Variants in TM9SF2 observed in about 807,000 individuals in gnomAD.
The protein encoded by TM9SF2 is transmembrane 9 superfamily member 2.
TM9SF2 carries 13 observed loss-of-function variants against 84.9 expected under a neutral mutation model. The observed-to-expected ratio is 0.15, with a 90% confidence interval of 0.10 to 0.24. The LOEUF is 0.24. TM9SF2 is among the 10% of genes least tolerant of loss of function. The pLI is 1.00. For synonymous variants in TM9SF2, 273 were observed against 285.8 expected, an observed-to-expected ratio of 0.96 and a Z score of 0.45; for missense variants, 562 against 818.5, an observed-to-expected ratio of 0.69 and a Z score of 3.82.
chr13:99,512,020 A>G (rs1364262155), intron 1 of TM9SF2, among the ~76,000 whole-genome samples: 2 of 152,230 alleles, frequency 1.3e-5, no homozygotes, highest in Non-Finnish European at 2.9e-5. Flanking sequence ...CAGGACAAGT[A>G]TAATGGATAG....
At chr13:99,537,042 A>G (rs1301695811) in intron 5 of TM9SF2, among the ~76,000 whole-genome samples, 1 of 152,200 alleles carries the variant, frequency 6.6e-6, no homozygotes, top group African/African-American at 2.4e-5. Flanking sequence ...TGTACATAGT[A>G]GAGTGTCAAA....
chr13:99,531,509 A>G (rs1031535235), intron 4 of TM9SF2, among the ~76,000 whole-genome samples: 6 of 151,870 alleles, frequency 4.0e-5, no homozygotes, highest in Admixed American at 2.6e-4. Context: ...CAACCCCCAT[A>G]TGCATAGAAC....
intron 1 of TM9SF2, among the ~76,000 whole-genome samples, chr13:99,505,152 CTTTT>C (rs35156746): frequency 7.4e-6 from 1 of 135,032 alleles, no homozygotes; most frequent in Non-Finnish European, 1.6e-5. Flanking sequence ...GTCCCTAAGA[CTTTT>C]TTTTTTTTTT....
chr13:99,552,620 T>C (rs985848451), intron 13 of TM9SF2, among the ~76,000 whole-genome samples: 5 of 131,168 alleles, frequency 3.8e-5, no homozygotes, highest in Non-Finnish European at 8.9e-5. Context: ...TTCATTCATT[T>C]AGAGATGGAG....
intron 9 of TM9SF2, among the ~76,000 whole-genome samples, chr13:99,542,684 C>G (rs2046266008): frequency 6.6e-6 from 1 of 152,010 alleles, no homozygotes; most frequent in Non-Finnish European, 1.5e-5. Context: ...ACTCTATAGT[C>G]TCTTTCCTAT....
intron 2 of TM9SF2, chr13:99,519,739 A>G (rs1368965995): frequency 2.0e-5 from 4 of 198,896 alleles, no homozygotes; most frequent in Non-Finnish European, 4.1e-5. Flanking sequence ...GATCTAAATA[A>G]TTTTATTATT....
In TM9SF2 at chr13:99,549,209, T is replaced by C; in HGVS notation, c.1315T>C (p.Phe439Leu). ...GAAAACAAATGTTTTATTAACATCA[T>C]TTCTTTGTCCTGGGTAAGTGAATTT... ...KWKTNVLLTS[F>L]LCPGIVFADF... Residue 439 changes from phenylalanine (F) to leucine (L), a missense_variant, in exon 12 of 17, where the codon TTT becomes CTT. By Grantham distance (22) the Phe-to-Leu change is conservative. Coordinates refer to ENST00000376387, the MANE Select transcript of TM9SF2 (RefSeq NM_004800.3). 1 of 1,613,450 alleles carries C rather than the reference T, an allele frequency of 6.2e-7. No individual in the cohort carries two copies. The highest frequency in any genetic ancestry group is 1.3e-5 in the African/African-American group (1 of 75,034).
chr13:99,517,017 A>G (rs2046137513), intron 1 of TM9SF2, among the ~76,000 whole-genome samples: 2 of 152,222 alleles, frequency 1.3e-5, no homozygotes, highest in Admixed American at 1.3e-4. Context: ...GCTTTTAGTT[A>G]AAATATCTTA....
intron 9 of TM9SF2, 119 bp downstream of exon 9, chr13:99,541,786 A>G: frequency 5.1e-6 from 3 of 592,184 alleles, no homozygotes; most frequent in South Asian, 5.3e-5. Flanking sequence ...AAACAAAAAC[A>G]AAAACAAAAA....
intron 7 of TM9SF2, among the ~76,000 whole-genome samples, chr13:99,540,000 T>G (rs1408021906): frequency 1.3e-5 from 2 of 152,240 alleles, no homozygotes; most frequent in African/African-American, 2.4e-5. Flanking sequence ...TGCAAATTCA[T>G]TGTTATGAGA....
rs1324412180 is a variant in TM9SF2 at position 99,563,342 on chromosome 13, A to G, written c.*584A>G. On this transcript the variant is annotated 3_prime_UTR_variant, in exon 17 of 17. Coordinates refer to ENST00000376387, the MANE Select transcript of TM9SF2 (RefSeq NM_004800.3). ...TGGCCTTTTAAACTATGTGCCTCTG[A>G]GTCTTTCAATTTATAAATTTGTTAT... 6.6e-6 allele frequency: 1 copy of G among 152,190 alleles called. No individual in the cohort carries two copies. Among genetic ancestry groups the G allele is most frequent in the Admixed American group, 6.5e-5 (1 of 15,274 alleles). 9.4% of individuals were successfully genotyped at this position (152,190 alleles called of 1,614,324 possible). A position where few individuals can be genotyped will look rare whatever the true frequency, so the allele number is the denominator to read the frequency against.
chr13:99,508,665 T>C (rs2046100343), intron 1 of TM9SF2, among the ~76,000 whole-genome samples: 1 of 152,140 alleles, frequency 6.6e-6, no homozygotes, highest in Admixed American at 6.5e-5. Context: ...AAATTTTTAC[T>C]CATGGCAGAA....
chr13:99,549,086 A>G (rs1252255399), intron 11 of TM9SF2, 79 bp from the exon 12 acceptor site: 1 of 1,269,308 alleles, frequency 7.9e-7, no homozygotes, highest in Admixed American at 1.9e-5. Context: ...CAGTTTGGCA[A>G]ATATCAGACT....
chr13:99,516,050 C>T (rs919238403), intron 1 of TM9SF2, among the ~76,000 whole-genome samples: 1 of 152,074 alleles, frequency 6.6e-6, no homozygotes, highest in Non-Finnish European at 1.5e-5. Flanking sequence ...CTGTTATCCT[C>T]ATTTTGCAGT....
intron 10 of TM9SF2, among the ~76,000 whole-genome samples, chr13:99,544,934 A>G (rs948569780): frequency 4.6e-5 from 7 of 152,280 alleles, no homozygotes; most frequent in African/African-American, 1.2e-4. Context: ...TTGTTCTGAA[A>G]CTACCTCTGG....
intron 1 of TM9SF2, among the ~76,000 whole-genome samples, chr13:99,513,141 TCC>T (rs2046120472): frequency 6.6e-6 from 1 of 152,226 alleles, no homozygotes; most frequent in Admixed American, 6.5e-5. Flanking sequence ...TAAAGAACTG[TCC>T]ATGAAGAATT....
At chr13:99,506,969 C>G (rs1306844108) in intron 1 of TM9SF2, among the ~76,000 whole-genome samples, 4 of 152,182 alleles carry the variant, frequency 2.6e-5, no homozygotes, top group African/African-American at 9.7e-5. Flanking sequence ...CTATGAAAGG[C>G]TTTGGAGGAA....
chr13:99,524,975 C>T (rs1455077076), intron 3 of TM9SF2, among the ~76,000 whole-genome samples: 4 of 151,856 alleles, frequency 2.6e-5, no homozygotes. Context: ...GAGGCCGAGG[C>T]AAGAAAGTGT....
chr13:99,533,964 T>C (rs7985908), intron 4 of TM9SF2, among the ~76,000 whole-genome samples: 133,680 of 152,224 alleles, frequency 0.88, 58,864 homozygotes, highest in Admixed American at 0.93. Flanking sequence ...CCACCGCTCC[T>C]GGCCATACTT....
Sources: allele counts gnomAD v4.1 joint callset (sites outside exome capture counted in the v4.1 genomes callset), GRCh38; gene constraint gnomAD v4.1.1; transcripts MANE v1.5; gene names NCBI Gene and HGNC (gene_info 2026-07-23, HGNC 2026-07-21).